CLIP3: variants seen among roughly 807,000 people sequenced by gnomAD.
The protein encoded by CLIP3 is CAP-Gly domain containing linker protein 3, also known as CAP-Gly domain-containing linker protein 3.
A neutral mutation model predicts 59.4 loss-of-function variants in CLIP3; 15 were observed. That is an observed-to-expected ratio of 0.25 (90% CI 0.17 to 0.39). CLIP3 has a LOEUF of 0.39. CLIP3 is among the 10% of genes least tolerant of loss of function. The pLI, the probability that CLIP3 is intolerant of heterozygous loss-of-function variation, is 1.00. For missense variants in CLIP3, 495 were observed against 765.7 expected (o/e 0.65, Z 4.17); for synonymous variants, 300 against 321.6 (o/e 0.93, Z 0.72).
At chr19:36,017,086 A>C (rs1421251478) in intron 12 of CLIP3, 107 bp from the exon 13 acceptor site, 1 of 1,174,286 alleles carries the variant, frequency 8.5e-7, no homozygotes, top group East Asian at 2.5e-5. Flanking sequence ...TCCAGTCCCC[A>C]CCTGGATCCT....
chr19:36,025,544 T>A (rs1969080367), intron 6 of CLIP3, among the ~76,000 whole-genome samples: 1 of 149,778 alleles, frequency 6.7e-6, no homozygotes. Flanking sequence ...TGAGCCGAGA[T>A]TGCACCACTG....
intron 2 of CLIP3, among the ~76,000 whole-genome samples, chr19:36,030,756 T>G (rs1969231985): frequency 2.0e-5 from 3 of 152,194 alleles, no homozygotes; most frequent in Admixed American, 2.0e-4. Flanking sequence ...CCTCGATCAT[T>G]CCCTGAATGC....
At chr19:36,024,841 C>T (rs1969053379) in intron 6 of CLIP3, among the ~76,000 whole-genome samples, 1 of 152,122 alleles carries the variant, frequency 6.6e-6, no homozygotes, top group South Asian at 2.1e-4. Context: ...CCGAGGCAGG[C>T]AGATGCTTGA....
chr19:36,032,142 C>G lies in CLIP3; in HGVS notation c.166+50G>C, dbSNP rs1344943821. ...ACCAGCAGAGCACAGCCCACCCTCC[C>G]CGGCCACCCAACGCTCCAGGCCAGA... On this transcript the variant is annotated intron_variant, in intron 2 of 13. Coordinates refer to ENST00000360535, the MANE Select transcript of CLIP3 (RefSeq NM_015526.3). This position sits in a 1 kb window ranked among gnomAD's most constrained non-coding sequence, Gnocchi z 4.3. The G allele has an allele frequency of 1.8e-6, 2 of 1,087,628 alleles. No individual in the cohort carries two copies. The highest frequency in any genetic ancestry group is 2.4e-6 in the Non-Finnish European group (2 of 840,840). The allele number at this position is 1,087,628 out of a possible 1,614,324, so 67.4% of individuals were successfully genotyped here. A position where few individuals can be genotyped will look rare whatever the true frequency, so the allele number is the denominator to read the frequency against.
Position 36,018,889 on chromosome 19 carries a change from C to T in CLIP3, c.1183+9G>A. On this transcript the variant is annotated intron_variant, in intron 9 of 13. Transcript: ENST00000360535. ...TGGCTCTTCCCACCACAGGGATCCC[C>T]TCTCTGACCTTTGTGTTCCCTGCGG... 1 of 1,612,454 alleles carries T rather than the reference C, an allele frequency of 6.2e-7. No homozygotes were observed. The highest frequency in any genetic ancestry group is 1.1e-5 in the South Asian group (1 of 90,868).
At position 36,016,035 on chromosome 19, in the gene CLIP3, G is replaced by T; in HGVS notation, c.*123C>A. ...ATGGGGCCTCAATGATCGAGGGCTG[G>T]CTAACAGGGGTCTCTACTCTGGATG... On this transcript the variant is annotated 3_prime_UTR_variant, in exon 14 of 14. Coordinates refer to ENST00000360535, the MANE Select transcript of CLIP3 (RefSeq NM_015526.3). The surrounding 1 kb of genome is among the most constrained non-coding windows in gnomAD (Gnocchi z 4.1). 2 of 982,554 alleles carry T rather than the reference G, an allele frequency of 2.0e-6. No homozygotes were observed. Among genetic ancestry groups the T allele is most frequent in the Non-Finnish European group, 3.2e-6 (2 of 627,532 alleles). 60.9% of individuals were successfully genotyped at this position (982,554 alleles called of 1,614,324 possible). A position where few individuals can be genotyped will look rare whatever the true frequency, so the allele number is the denominator to read the frequency against.
In CLIP3 at chr19:36,026,838, T is replaced by TG; in HGVS notation, c.401-92dup. On this transcript the variant is annotated intron_variant, in intron 4 of 13. Transcript: ENST00000360535. This position sits in a 1 kb window ranked among gnomAD's most constrained non-coding sequence, Gnocchi z 6.3. ...ACCCTGGGCTTCAGGGACTATACTT[T>TG]GGGATCCGAAGCTTCGGGTTCCAGA... is the stretch of plus-strand genomic sequence containing the variant. 6.5e-7 allele frequency: 1 copy of TG among 1,536,152 alleles called. No individual in the cohort carries two copies. Among genetic ancestry groups the TG allele is most frequent in the Non-Finnish European group, 8.7e-7 (1 of 1,144,264 alleles).
chr19:36,019,486 G>C (rs1968895148), intron 7 of CLIP3, 180 bp from the exon 8 acceptor site: 1 of 731,598 alleles, frequency 1.4e-6, no homozygotes. Flanking sequence ...CCTTTGCTGT[G>C]AAATGGGAAC....
Position 36,026,372 on chromosome 19 carries a change from G to A in CLIP3, c.563-107C>T, listed in dbSNP as rs1969107448. On this transcript the variant is annotated intron_variant, in intron 5 of 13. Transcript: ENST00000360535. This position sits in a 1 kb window ranked among gnomAD's most constrained non-coding sequence, Gnocchi z 6.3. Reference sequence around the variant, plus strand: ...ACTTGCAGGTCCCAGAGCCTCCGACGCAGAGCCCCGCCCCCACCTCGGAGC... The same window carrying A: ...ACTTGCAGGTCCCAGAGCCTCCGACACAGAGCCCCGCCCCCACCTCGGAGC... 1 of 1,168,914 alleles carries A rather than the reference G, an allele frequency of 8.6e-7. No homozygotes were observed. Among genetic ancestry groups the A allele is most frequent in the Non-Finnish European group, 1.2e-6 (1 of 808,496 alleles). 72.4% of individuals were successfully genotyped at this position (1,168,914 alleles called of 1,614,324 possible).
chr19:36,024,271 G>A, intron 7 of CLIP3, 125 bp downstream of exon 7: 1 of 740,510 alleles, frequency 1.4e-6, no homozygotes, highest in Non-Finnish European at 2.2e-6. Flanking sequence ...GTACTGGGTG[G>A]ATAGTTAGGG....
Position 36,026,743 on chromosome 19 carries a change from G to A in CLIP3, c.405C>T (p.Asp135=), listed in dbSNP as rs1334120799. Residue 135 remains aspartate, a synonymous_variant, in exon 5 of 14, where the codon GAC becomes GAT. Coordinates refer to ENST00000360535, the MANE Select transcript of CLIP3 (RefSeq NM_015526.3). This position sits in a 1 kb window ranked among gnomAD's most constrained non-coding sequence, Gnocchi z 6.3. ...ACKAGAHGVG[D]PAAAVRLSQQ... The stretch of plus-strand genomic sequence containing the variant: ...GCGAGAGGCGCACGGCTGCCGCGGG[G>A]TCCCCTGCGCGATAGGCCGGGTCAG... The A allele has an allele frequency of 1.3e-6, 2 of 1,595,678 alleles. No individual in the cohort carries two copies. The highest frequency in any genetic ancestry group is 8.5e-7 in the Non-Finnish European group (1 of 1,175,072).
At chr19:36,024,712 C>G in intron 6 of CLIP3, 80 bp from the exon 7 acceptor site, 1 of 1,357,598 alleles carries the variant, frequency 7.4e-7, no homozygotes, top group Admixed American at 1.8e-5. Context: ...CTAGAGACCA[C>G]CAGTCTGGGT....
In CLIP3 at chr19:36,019,248, A is replaced by T; in HGVS notation, c.977T>A (p.Val326Glu). The change falls in exon 8 of 14, where the codon GTG becomes GAG. Residue 326 changes from valine (V) to glutamate (E), a missense_variant. By Grantham distance (121) the Val-to-Glu change is moderately radical. Coordinates refer to ENST00000360535, the MANE Select transcript of CLIP3 (RefSeq NM_015526.3). ...TEFASGQWVGVELDEPEGKND... is the reference protein window; with the variant it reads ...TEFASGQWVGEELDEPEGKND... Reference sequence around the variant, plus strand: ...CTTGCCCTCAGGTTCGTCCAGCTCCACGCCCACCCACTGGCCGCTGGCAAA... The same window carrying T: ...CTTGCCCTCAGGTTCGTCCAGCTCCTCGCCCACCCACTGGCCGCTGGCAAA... 1.2e-6 allele frequency: 2 copies of T among 1,613,894 alleles called. No homozygotes were observed. The highest frequency in any genetic ancestry group is 1.7e-6 in the Non-Finnish European group (2 of 1,180,012).
rs1241745778 is a variant in CLIP3, at chr19:36,017,793, T to A, written c.1328-15A>T. On this transcript the variant is annotated splice_polypyrimidine_tract_variant and intron_variant, in intron 10 of 13. Coordinates refer to ENST00000360535, the MANE Select transcript of CLIP3 (RefSeq NM_015526.3). The stretch of plus-strand genomic sequence containing the variant: ...ATACCAGTAACCTGCAGCACGAGGG[T>A]GTCAGGATTTCTCAAGGCCCTGCCT... 1.2e-6 allele frequency: 2 copies of A among 1,613,760 alleles called. No individual in the cohort carries two copies.
chr19:36,028,582 G>A lies in CLIP3; in HGVS notation c.167-1311C>T, dbSNP rs577925429. 5.3e-4 allele frequency among the ~76,000 whole-genome samples: 81 copies of A among 152,254 alleles called. 1 individual carries two copies. The highest frequency in any genetic ancestry group is 4.3e-3 in the Admixed American group (65 of 15,282). On this transcript the variant is annotated intron_variant, in intron 2 of 13. Coordinates refer to ENST00000360535, the MANE Select transcript of CLIP3 (RefSeq NM_015526.3). ...CAGATTATACACAGCCCAGGGAAGT[G>A]CCACATAGAAGGTGTCTCCAGGAAT...
intron 7 of CLIP3, among the ~76,000 whole-genome samples, chr19:36,020,062 A>G (rs895678603): frequency 6.6e-6 from 1 of 151,928 alleles, no homozygotes; most frequent in Admixed American, 6.6e-5. Flanking sequence ...CCAAAAAACA[A>G]AGACAGCAAG....
In CLIP3 at chr19:36,024,442, G is replaced by A; in HGVS notation, c.872C>T (p.Ala291Val). 1.2e-6 allele frequency: 2 copies of A among 1,614,202 alleles called. No individual in the cohort carries two copies. The highest frequency in any genetic ancestry group is 1.3e-5 in the African/African-American group (1 of 75,052). Residue 291 changes from alanine to valine, a missense_variant, in exon 7 of 14, where the codon GCA (alanine) becomes GTA (valine). Physicochemically the swap from Ala to Val is moderately conservative, Grantham distance 64 (BLOSUM62 0). Transcript: ENST00000360535. ...DNVPGNLMLS[A>V]LGLRLGDRVL... ...GCGGTCTCCCAGGCGCAAGCCCAGT[G>A]CGCTAAGCATGAGATTGCCTGGGAC...
chr19:36,030,612 C>T (rs1234035383), intron 2 of CLIP3, among the ~76,000 whole-genome samples: 1 of 152,184 alleles, frequency 6.6e-6, no homozygotes, highest in African/African-American at 2.4e-5. Context: ...ACAAATCAGA[C>T]CTGCCACTCC....
At chr19:36,028,143 C>A (rs950525267) in intron 2 of CLIP3, among the ~76,000 whole-genome samples, 1 of 152,010 alleles carries the variant, frequency 6.6e-6, no homozygotes, top group African/African-American at 2.4e-5. Flanking sequence ...TCGAGACCAG[C>A]CTGGTCCAAC....
Sources: gnomAD v4.1 joint callset for allele counts (sites outside exome capture counted in the v4.1 genomes callset) on GRCh38, gnomAD v4.1.1 for gene constraint, Gnocchi (gnomAD v3.1) non-coding constraint, MANE v1.5 for transcripts, NCBI Gene and HGNC (gene_info 2026-07-23, HGNC 2026-07-21) for gene names.